TMEM108: variants seen among roughly 807,000 people sequenced by gnomAD.
The protein encoded by TMEM108 is transmembrane protein 108, also known as cancer/testis antigen 124.
TMEM108 carries 12 observed loss-of-function variants against 35.1 expected under a neutral mutation model. The ratio of observed to expected loss-of-function variants is 0.34; its 90% CI spans 0.22 to 0.55. TMEM108 has a LOEUF of 0.55. Ranked by LOEUF, TMEM108 falls within the 20% of genes least tolerant of loss-of-function variation. TMEM108 has a pLI of 0.89. For synonymous variants in TMEM108, 287 were observed against 308.6 expected, an observed-to-expected ratio of 0.93 and a Z score of 0.73; for missense variants, 680 against 753.3, an observed-to-expected ratio of 0.90 and a Z score of 1.14.
intron 4 of TMEM108, among the ~76,000 whole-genome samples, chr3:133,381,596 C>T (rs1408302505): frequency 6.6e-6 from 1 of 152,164 alleles, no homozygotes; most frequent in African/African-American, 2.4e-5. Flanking sequence ...AGCAACCTGG[C>T]ACCAAGACAC....
chr3:133,101,580 TA>T (rs1944088031), intron 2 of TMEM108, among the ~76,000 whole-genome samples: 1 of 152,220 alleles, frequency 6.6e-6, no homozygotes, highest in Admixed American at 6.5e-5. Context: ...TCATTCCTGT[TA>T]AAATATAGTA....
intron 2 of TMEM108, among the ~76,000 whole-genome samples, chr3:133,106,809 C>T (rs1010721766): frequency 5.3e-5 from 8 of 152,088 alleles, no homozygotes; most frequent in South Asian, 2.1e-4. Flanking sequence ...GATTACAGTC[C>T]GAGGCAACAA....
chr3:133,335,856 G>A (rs2071486911), intron 3 of TMEM108, among the ~76,000 whole-genome samples: 1 of 152,182 alleles, frequency 6.6e-6, no homozygotes, highest in Non-Finnish European at 1.5e-5. Context: ...CTCATCCTCT[G>A]CCGGGAGCTG....
At chr3:133,276,185 G>C (rs1262924711) in intron 3 of TMEM108, among the ~76,000 whole-genome samples, 5 of 152,122 alleles carry the variant, frequency 3.3e-5, no homozygotes, top group African/African-American at 1.2e-4. Flanking sequence ...TACAATATTT[G>C]AATTTCATAT....
chr3:133,042,806 A>G (rs1023737719), intron 1 of TMEM108, among the ~76,000 whole-genome samples: 1 of 152,224 alleles, frequency 6.6e-6, no homozygotes, highest in African/African-American at 2.4e-5. Flanking sequence ...ACTAGGATGC[A>G]AGCTCAGGAC....
In TMEM108 at chr3:133,050,292, C is replaced by T. The variant is rs1483212811; in HGVS notation, c.-47+4272C>T. ...TCTTTTGATGGATGCATTGCTTGTT[C>T]TCTTCCTGCCTTTCTTTCTTTCTCT... On this transcript the variant is annotated intron_variant, in intron 2 of 5. Coordinates refer to ENST00000321871, the MANE Select transcript of TMEM108 (RefSeq NM_023943.4). Among the ~76,000 whole-genome samples, 4 of 152,122 alleles carry T rather than the reference C, an allele frequency of 2.6e-5. No homozygotes were observed. The East Asian group carries it at 7.7e-4, about 29-fold the overall frequency.
At chr3:133,204,294 A>G (rs151254641) in intron 2 of TMEM108, among the ~76,000 whole-genome samples, 12,322 of 146,260 alleles carry the variant, frequency 0.084, 725 homozygotes, top group Middle Eastern at 0.19. Flanking sequence ...TCATGTTTCT[A>G]TCTCCTTCAG....
At chr3:133,120,491 C>G (rs2107733539) in intron 2 of TMEM108, among the ~76,000 whole-genome samples, 1 of 152,266 alleles carries the variant, frequency 6.6e-6, no homozygotes, top group African/African-American at 2.4e-5. Context: ...TTGCTGTGTG[C>G]CTGGTTCAAA....
chr3:133,152,899 A>G (rs893965736), intron 2 of TMEM108, among the ~76,000 whole-genome samples: 1 of 152,136 alleles, frequency 6.6e-6, no homozygotes, highest in Non-Finnish European at 1.5e-5. Context: ...GCTGGTGAGC[A>G]AAATAGAGCT....
rs568085193 is a variant in TMEM108 at position 133,207,148 on chromosome 3, C to T, written c.-46-22118C>T. 5.3e-5 allele frequency among the ~76,000 whole-genome samples: 8 copies of T among 152,194 alleles called. No homozygotes were observed. In the South Asian group the frequency reaches 6.2e-4, roughly 12 times the overall value. ...CTCAAGCCTCAGGGCCCTGGTGTTG[C>T]GAAGACCATGGGAAAAGCATAGTAT... On this transcript the variant is annotated intron_variant, in intron 2 of 5. Coordinates refer to ENST00000321871, the MANE Select transcript of TMEM108 (RefSeq NM_023943.4).
At chr3:133,370,429 C>T (rs760401004) in intron 3 of TMEM108, among the ~76,000 whole-genome samples, 10 of 152,156 alleles carry the variant, frequency 6.6e-5, no homozygotes, top group African/African-American at 1.2e-4. Flanking sequence ...ATCAAGGGTA[C>T]ATATTGTCAT....
intron 2 of TMEM108, among the ~76,000 whole-genome samples, chr3:133,135,239 C>T (rs555465277): frequency 3.6e-4 from 54 of 151,678 alleles, no homozygotes; most frequent in Admixed American, 1.1e-3. Context: ...TAGCAAACTC[C>T]GTAATAGACA....
chr3:133,360,370 TAAAAA>T (rs1187500525), intron 3 of TMEM108, among the ~76,000 whole-genome samples: 3 of 152,150 alleles, frequency 2.0e-5, no homozygotes, highest in African/African-American at 4.8e-5. Context: ...AAGTTAATTT[TAAAAA>T]GAAAAGAAAT....
chr3:133,043,311 C>G (rs1165429997), intron 1 of TMEM108, among the ~76,000 whole-genome samples: 1 of 152,164 alleles, frequency 6.6e-6, no homozygotes, highest in Non-Finnish European at 1.5e-5. Context: ...GTGGCACACA[C>G]ACACAAAATA....
chr3:133,181,525 A>G (rs1028915563), intron 2 of TMEM108, among the ~76,000 whole-genome samples: 3 of 152,184 alleles, frequency 2.0e-5, no homozygotes, highest in Non-Finnish European at 4.4e-5. Context: ...GTTTAGAGTC[A>G]CTTCATCACT....
chr3:133,182,062 G>A (rs969321268), intron 2 of TMEM108, among the ~76,000 whole-genome samples: 1 of 152,162 alleles, frequency 6.6e-6, no homozygotes, highest in African/African-American at 2.4e-5. Flanking sequence ...CTGCCCTGTA[G>A]ATCTCAACCT....
chr3:133,048,818 T>C (rs1943369728), intron 2 of TMEM108, among the ~76,000 whole-genome samples: 1 of 152,176 alleles, frequency 6.6e-6, no homozygotes, highest in Non-Finnish European at 1.5e-5. Flanking sequence ...AAGAGGCACT[T>C]TGGTGTGGAA....
At chr3:133,186,214 A>G (rs1215221714) in intron 2 of TMEM108, among the ~76,000 whole-genome samples, 1 of 152,174 alleles carries the variant, frequency 6.6e-6, no homozygotes, top group South Asian at 2.1e-4. Context: ...TGTTCACTTC[A>G]TTAGGAACCG....
chr3:133,054,067 G>A (rs913086539), intron 2 of TMEM108, among the ~76,000 whole-genome samples: 2 of 152,210 alleles, frequency 1.3e-5, no homozygotes, highest in African/African-American at 2.4e-5. Context: ...AGAAGGTAAT[G>A]GTGGGGTAGG....
Sources: gnomAD v4.1 joint callset for allele counts (sites outside exome capture counted in the v4.1 genomes callset) on GRCh38, gnomAD v4.1.1 for gene constraint, MANE v1.5 for transcripts, NCBI Gene and HGNC (gene_info 2026-07-23, HGNC 2026-07-21) for gene names.